Variants in ZEB2 observed in about 807,000 individuals in gnomAD.
The protein encoded by ZEB2 is zinc finger E-box binding homeobox 2.
ZEB2 carries 6 observed loss-of-function variants against 99.9 expected under a neutral mutation model. The ratio of observed to expected loss-of-function variants is 0.06; its 90% CI spans 0.03 to 0.12. The LOEUF is 0.12. Ranked by LOEUF, ZEB2 falls within the 10% of genes least tolerant of loss-of-function variation. The pLI, the probability that ZEB2 is intolerant of heterozygous loss-of-function variation, is 1.00. For synonymous variants in ZEB2, 517 were observed against 542.5 expected (o/e 0.95, Z 0.65); for missense variants, 969 against 1,502.8 (o/e 0.64, Z 5.87).
intron 2 of ZEB2, chr2:144,516,110 G>C (rs1705134460): frequency 6.6e-6 from 1 of 152,216 alleles, no homozygotes; most frequent in Non-Finnish European, 1.5e-5. Context: ...GGCTGAGAGC[G>C]AGGGGAGCGA....
At position 144,445,369 on chromosome 2, in the gene ZEB2, T is replaced by C. The variant is rs187201378; in HGVS notation, c.74-15343A>G. Among the ~76,000 whole-genome samples the C allele has an allele frequency of 4.0e-4, 60 of 151,634 alleles. No homozygotes were observed. The South Asian group carries it at 4.2e-3, about 11-fold the overall frequency. On this transcript the variant is annotated intron_variant, in intron 2 of 9. Transcript: ENST00000627532. ...GGTGGTAATTAGCACAGCGGGATAA[T>C]TGATGTGTAGATTGCAGCATGAACA...
chr2:144,476,994 TC>T (rs1704439198), intron 2 of ZEB2, among the ~76,000 whole-genome samples: 1 of 152,214 alleles, frequency 6.6e-6, no homozygotes, highest in African/African-American at 2.4e-5. Context: ...TTATATATTA[TC>T]TATTATCTCA....
chr2:144,517,297 G>A lies in ZEB2; in HGVS notation c.54C>T (p.Ala18=). ...DGPRCKRRKQ[A]NPRRKNVVNY... Reference sequence around the variant, plus strand: ...TCTTACCGTTTTTCCTCCTGGGATTGGCTTGTTTGCGCCTCTTGCACCGGG... The same window carrying A: ...TCTTACCGTTTTTCCTCCTGGGATTAGCTTGTTTGCGCCTCTTGCACCGGG... Residue 18 remains alanine (A), a synonymous_variant, in exon 2 of 10, where the codon GCC becomes GCT. Transcript: ENST00000627532. 1 of 1,613,552 alleles carries A rather than the reference G, an allele frequency of 6.2e-7. No homozygotes were observed. Among genetic ancestry groups the A allele is most frequent in the East Asian group, 2.2e-5 (1 of 44,858 alleles).
intron 2 of ZEB2, chr2:144,496,561 A>G (rs1365699598): frequency 6.6e-6 from 1 of 152,198 alleles, no homozygotes; most frequent in Non-Finnish European, 1.5e-5. Flanking sequence ...TTTCTTTTCC[A>G]AATGTCCTTC....
In ZEB2 at chr2:144,424,810, A is replaced by G. The variant is rs773339468; in HGVS notation, c.389T>C (p.Ile130Thr). 6.2e-7 allele frequency: 1 copy of G among 1,614,084 alleles called. No homozygotes were observed. Among genetic ancestry groups the G allele is most frequent in the South Asian group, 1.1e-5 (1 of 91,086 alleles). The change falls in exon 4 of 10, where the codon ATT (isoleucine) becomes ACT (threonine). Residue 130 changes from isoleucine (I) to threonine (T), a missense_variant. This residue lies in a region of ZEB2 where 173 missense variants were observed against 217.7 expected (regional missense o/e 0.79). Transcript: ENST00000627532. ...ACATAACTCACCTGTACCATTGTTA[A>G]TTGCGGTCTGGATCGTGGCTTCTGG... ...MGPEATIQTA[I>T]NNGTVKNANC... is the part of the protein sequence containing the mutation.
chr2:144,394,750 G>A (rs1458215242), intron 9 of ZEB2, among the ~76,000 whole-genome samples: 2 of 152,052 alleles, frequency 1.3e-5, no homozygotes, highest in Non-Finnish European at 2.9e-5. Context: ...TAAAGAAAAA[G>A]AAAACTGTAT....
Position 144,399,543 on chromosome 2 carries a change from C to G in ZEB2, c.1644G>C (p.Arg548Ser). 6.2e-7 allele frequency: 1 copy of G among 1,614,158 alleles called. No homozygotes were observed. Among genetic ancestry groups the G allele is most frequent in the Non-Finnish European group, 8.5e-7 (1 of 1,180,026 alleles). The change falls in exon 8 of 10, where the codon AGG becomes AGC. Residue 548 changes from arginine to serine, a missense_variant. Physicochemically the swap from Arg to Ser is moderately radical, Grantham distance 110. Coordinates refer to ENST00000627532, the MANE Select transcript of ZEB2 (RefSeq NM_014795.4). This position sits in a 1 kb window ranked among gnomAD's most constrained non-coding sequence, Gnocchi z 5.6. ...ACLQSLTTDS[R>S]RQISNIKKEK... ...CTTTCTTTATATTACTGATCTGTCT[C>G]CTTGAGTCAGTAGTCAAGCTCTGGA...
intron 2 of ZEB2, among the ~76,000 whole-genome samples, chr2:144,500,299 T>C (rs1704849600): frequency 6.6e-6 from 1 of 152,238 alleles, no homozygotes; most frequent in Non-Finnish European, 1.5e-5. Context: ...GAAGCAATTA[T>C]AATGTAGATG....
Position 144,398,820 on chromosome 2 carries a change from G to A in ZEB2, c.2367C>T (p.Ser789=). Residue 789 remains serine (S), a synonymous_variant, in exon 8 of 10, where the codon TCC becomes TCT. Coordinates refer to ENST00000627532, the MANE Select transcript of ZEB2 (RefSeq NM_014795.4). Reference sequence around the variant, plus strand: ...TGTGGGAGTTTTTAGAAGATGTGGAGGAAAGATTTAAGGGAGAAGGAGTAT... The same window carrying A: ...TGTGGGAGTTTTTAGAAGATGTGGAAGAAAGATTTAAGGGAGAAGGAGTAT... ...RSNTPSPLNL[S]STSSKNSHSS... 1 of 1,614,056 alleles carries A rather than the reference G, an allele frequency of 6.2e-7. No individual in the cohort carries two copies. The highest frequency in any genetic ancestry group is 8.5e-7 in the Non-Finnish European group (1 of 1,180,014).
intron 2 of ZEB2, among the ~76,000 whole-genome samples, chr2:144,432,397 T>TATGCTG (rs1296150038): frequency 1.3e-5 from 2 of 152,340 alleles, no homozygotes; most frequent in African/African-American, 4.8e-5. Context: ...CATATGCCAT[T>TATGCTG]ATGCTGGTGT....
At chr2:144,466,773 T>C (rs1238215333) in intron 2 of ZEB2, among the ~76,000 whole-genome samples, 1 of 152,140 alleles carries the variant, frequency 6.6e-6, no homozygotes, top group African/African-American at 2.4e-5. Flanking sequence ...GTTGCAGCAA[T>C]GCACTCCATT....
chr2:144,493,222 G>A (rs1300742423), intron 2 of ZEB2, among the ~76,000 whole-genome samples: 1 of 151,872 alleles, frequency 6.6e-6, no homozygotes, highest in Non-Finnish European at 1.5e-5. Flanking sequence ...GAATGTTTCA[G>A]CAAGGCCCAG....
At chr2:144,414,802 T>C (rs1433760608) in intron 4 of ZEB2, among the ~76,000 whole-genome samples, 2 of 152,138 alleles carry the variant, frequency 1.3e-5, no homozygotes, top group Admixed American at 6.5e-5. Flanking sequence ...TTTTAGTTTT[T>C]CATCATGCCT....
intron 2 of ZEB2, among the ~76,000 whole-genome samples, chr2:144,489,086 T>G (rs973570561): frequency 2.0e-5 from 3 of 152,220 alleles, no homozygotes. Context: ...TGTATTGTTG[T>G]TCAGCAGATC....
intron 4 of ZEB2, among the ~76,000 whole-genome samples, chr2:144,416,299 C>T (rs1703539359): frequency 6.6e-6 from 1 of 152,166 alleles, no homozygotes; most frequent in African/African-American, 2.4e-5. Context: ...CATTCTTACC[C>T]TGCTGAACTA....
At chr2:144,455,532 A>G (rs765377429) in intron 2 of ZEB2, among the ~76,000 whole-genome samples, 35 of 152,228 alleles carry the variant, frequency 2.3e-4, no homozygotes, top group Non-Finnish European at 4.4e-4. Flanking sequence ...CTTCAATTAA[A>G]ATGCCAAAAG....
rs1360137736 is a variant in ZEB2 at position 144,400,118 on chromosome 2, CAGAATT to C, written c.1063_1068del (p.Asn355_Ser356del). 1 of 1,613,884 alleles carries C rather than the reference CAGAATT, an allele frequency of 6.2e-7. No individual in the cohort carries two copies. Among genetic ancestry groups the C allele is most frequent in the South Asian group, 1.1e-5 (1 of 91,084 alleles). Reference sequence around the variant, plus strand: ...GCTGAATTAGTAGGAGAAGAAGAAACAGAATTAGGGGAAGAACCCGTCTTGATATTG... The same window carrying C: ...GCTGAATTAGTAGGAGAAGAAGAAACAGGGGAAGAACCCGTCTTGATATTG... On this transcript the variant is annotated inframe_deletion, in exon 8 of 10. Transcript: ENST00000627532.
At position 144,384,202 on chromosome 2, in the gene ZEB2, T is replaced by C. The variant is rs1703051151; in HGVS notation, c.*5249A>G. ...TCGGAACAGTAGTGTTCATTTTCTATTTTCAGTATTTTGGAGCATTTTAAC... is the reference window on the plus strand; with the variant it reads ...TCGGAACAGTAGTGTTCATTTTCTACTTTCAGTATTTTGGAGCATTTTAAC... On this transcript the variant is annotated 3_prime_UTR_variant, in exon 10 of 10. Transcript: ENST00000627532. 6.6e-6 allele frequency: 1 copy of C among 152,158 alleles called. No individual in the cohort carries two copies. The highest frequency in any genetic ancestry group is 1.5e-5 in the Non-Finnish European group (1 of 68,012). The allele number at this position is 152,158 out of a possible 1,614,324, so 9.4% of individuals were successfully genotyped here. A position where few individuals can be genotyped will look rare whatever the true frequency, so the allele number is the denominator to read the frequency against.
chr2:144,492,951 AT>A (rs1406195123), intron 2 of ZEB2, among the ~76,000 whole-genome samples: 1 of 152,218 alleles, frequency 6.6e-6, no homozygotes, highest in African/African-American at 2.4e-5. Flanking sequence ...CCCTCAAGCC[AT>A]TTACACATTT....
Sources: allele counts gnomAD v4.1 joint callset (sites outside exome capture counted in the v4.1 genomes callset), GRCh38; gene constraint gnomAD v4.1.1; regional missense constraint gnomAD v4.1.1; non-coding constraint Gnocchi (gnomAD v3.1); transcripts MANE v1.5; gene names NCBI Gene and HGNC (gene_info 2026-07-23, HGNC 2026-07-21).